Variants in CSMD1 observed in about 807,000 individuals in gnomAD.
The protein encoded by CSMD1 is CUB and Sushi multiple domains 1.
A neutral mutation model predicts 417.5 loss-of-function variants in CSMD1; 213 were observed. The ratio of observed to expected loss-of-function variants is 0.51; its 90% CI spans 0.46 to 0.57. The LOEUF (loss-of-function observed/expected upper bound fraction) is 0.57. Among genes scored for constraint, CSMD1 ranks in the 20% least tolerant of loss-of-function variants. The pLI is 0.00. For missense variants in CSMD1, 6,923 were observed against 4,529.7 expected, an observed-to-expected ratio of 1.53 and a Z score of -15.17; for synonymous variants, 2,862 against 1,736.8, an observed-to-expected ratio of 1.65 and a Z score of -16.11.
At chr8:3,365,655 G>A (rs1235931822) in intron 20 of CSMD1, among the ~76,000 whole-genome samples, 1 of 152,160 alleles carries the variant, frequency 6.6e-6, no homozygotes, top group African/African-American at 2.4e-5. Context: ...CAAAATATAT[G>A]TAGATACTAG....
chr8:3,836,162 T>G (rs1802686419), intron 5 of CSMD1, among the ~76,000 whole-genome samples: 8 of 152,196 alleles, frequency 5.3e-5, no homozygotes, highest in Admixed American at 5.2e-4. Context: ...CTATATTCAT[T>G]GTCTCAGTTT....
At chr8:4,457,213 G>A (rs144610026) in intron 2 of CSMD1, among the ~76,000 whole-genome samples, 2 of 152,220 alleles carry the variant, frequency 1.3e-5, no homozygotes, top group East Asian at 1.9e-4. Context: ...GTGGAGGGAA[G>A]GGGGGAACTC....
At chr8:3,877,279 G>C (rs781099955) in intron 5 of CSMD1, among the ~76,000 whole-genome samples, 2 of 152,102 alleles carry the variant, frequency 1.3e-5, no homozygotes, top group Non-Finnish European at 1.5e-5. Flanking sequence ...CCCTTGATGC[G>C]TGGTGAAAGG....
At chr8:4,811,574 G>C (rs1298257437) in intron 1 of CSMD1, among the ~76,000 whole-genome samples, 1 of 152,024 alleles carries the variant, frequency 6.6e-6, no homozygotes, top group Non-Finnish European at 1.5e-5. Flanking sequence ...ACACATGTGA[G>C]GCTCATCCTT....
At chr8:4,788,264 G>T in intron 1 of CSMD1, 11 of 1,586,456 alleles carry the variant, frequency 6.9e-6, no homozygotes, top group Non-Finnish European at 8.6e-6. Flanking sequence ...AGTATGAAAG[G>T]GATGGCATTC....
At chr8:3,377,382 C>G (rs117611265) in intron 18 of CSMD1, among the ~76,000 whole-genome samples, 1 of 152,104 alleles carries the variant, frequency 6.6e-6, no homozygotes. Context: ...TACAGTCATG[C>G]TATTGATTCC....
At chr8:4,340,821 C>G (rs574072563) in intron 3 of CSMD1, among the ~76,000 whole-genome samples, 6 of 152,172 alleles carry the variant, frequency 3.9e-5, no homozygotes, top group Admixed American at 2.0e-4. Flanking sequence ...TTACCCACTT[C>G]TAGAATCTCA....
chr8:4,210,913 C>G (rs978574724), intron 3 of CSMD1, among the ~76,000 whole-genome samples: 3 of 152,084 alleles, frequency 2.0e-5, no homozygotes, highest in Non-Finnish European at 2.9e-5. Context: ...AAATGGTTGA[C>G]TTAATGAAAA....
chr8:2,955,970 A>C (rs970813123), intron 63 of CSMD1, among the ~76,000 whole-genome samples: 1 of 151,912 alleles, frequency 6.6e-6, no homozygotes, highest in Non-Finnish European at 1.5e-5. Flanking sequence ...AGAACTCCTG[A>C]CCTCAAGCTA....
In CSMD1 at chr8:4,071,059, T is replaced by C. The variant is rs1045265832; in HGVS notation, c.416-38960A>G. ...CTCTTTTGAAGCAGTTTGGCTGTGG[T>C]GTACATGGTTATGGTTTCTTTGCAG... is the stretch of plus-strand genomic sequence containing the variant. On this transcript the variant is annotated intron_variant, in intron 3 of 69. Transcript: ENST00000635120. Among the ~76,000 whole-genome samples the C allele has an allele frequency of 7.9e-5, 12 of 152,216 alleles. 1 individual carries two copies. Among genetic ancestry groups the C allele is most frequent in the Non-Finnish European group, 1.5e-4 (10 of 68,036 alleles).
intron 7 of CSMD1, among the ~76,000 whole-genome samples, chr8:3,626,336 T>A (rs1366061861): frequency 6.6e-6 from 1 of 152,162 alleles, no homozygotes; most frequent in Non-Finnish European, 1.5e-5. Flanking sequence ...CAAAAATATC[T>A]TACAGGATGC....
intron 2 of CSMD1, among the ~76,000 whole-genome samples, chr8:4,571,694 T>A (rs1055082517): frequency 6.6e-6 from 1 of 152,220 alleles, no homozygotes; most frequent in Non-Finnish European, 1.5e-5. Context: ...GTTAATTTTC[T>A]GTCTCTTTGA....
intron 9 of CSMD1, among the ~76,000 whole-genome samples, chr8:3,575,531 C>G (rs6558801): frequency 0.85 from 128,589 of 152,122 alleles, 54,679 homozygotes; most frequent in Non-Finnish European, 0.88. Flanking sequence ...CTTACACTGT[C>G]TGACCTCCAA....
At chr8:4,169,170 A>G (rs926399881) in intron 3 of CSMD1, among the ~76,000 whole-genome samples, 1 of 152,064 alleles carries the variant, frequency 6.6e-6, no homozygotes, top group Non-Finnish European at 1.5e-5. Flanking sequence ...CACCGTCTCT[A>G]CGGTTTCAGA....
intron 3 of CSMD1, among the ~76,000 whole-genome samples, chr8:4,122,592 A>G (rs1802547743): frequency 6.6e-6 from 1 of 152,170 alleles, no homozygotes; most frequent in Admixed American, 6.5e-5. Flanking sequence ...TGCCCTACAA[A>G]ATTAGGGCTC....
chr8:4,016,036 T>C (rs1053701528), intron 4 of CSMD1, among the ~76,000 whole-genome samples: 2 of 152,146 alleles, frequency 1.3e-5, no homozygotes, highest in Non-Finnish European at 2.9e-5. Flanking sequence ...GGACATGACA[T>C]CTAAGCTCTC....
At chr8:4,071,427 T>G (rs144898744) in intron 3 of CSMD1, among the ~76,000 whole-genome samples, 1 of 152,154 alleles carries the variant, frequency 6.6e-6, no homozygotes, top group African/African-American at 2.4e-5. Flanking sequence ...AGATATTTAA[T>G]TATTCATTTG....
chr8:4,021,772 T>A (rs552099492), intron 4 of CSMD1, among the ~76,000 whole-genome samples: 2 of 152,076 alleles, frequency 1.3e-5, no homozygotes, highest in African/African-American at 4.8e-5. Flanking sequence ...TTATCTTGAG[T>A]GACAAATGAA....
chr8:4,169,227 G>T (rs1047335670), intron 3 of CSMD1, among the ~76,000 whole-genome samples: 3 of 152,136 alleles, frequency 2.0e-5, no homozygotes, highest in African/African-American at 7.2e-5. Context: ...GCAAAGTCCA[G>T]CAGTGTTCTC....
Sources: allele counts gnomAD v4.1 joint callset (sites outside exome capture counted in the v4.1 genomes callset), GRCh38; gene constraint gnomAD v4.1.1; transcripts MANE v1.5; gene names NCBI Gene and HGNC (gene_info 2026-07-23, HGNC 2026-07-21).